The following IGDCC3 variants were observed in gnomAD, a reference collection of about 807,000 sequenced individuals.
IGDCC3 encodes the protein immunoglobulin superfamily DCC subclass member 3, also known as putative neuronal cell adhesion molecule.
A neutral mutation model predicts 72.0 loss-of-function variants in IGDCC3; 47 were observed. That is an observed-to-expected ratio of 0.65 (90% CI 0.52 to 0.83). The LOEUF is 0.83. Among genes scored for constraint, IGDCC3 ranks in the 40% least tolerant of loss-of-function variants. The pLI is 0.00. For synonymous variants in IGDCC3, 477 were observed against 472.8 expected, an observed-to-expected ratio of 1.01 and a Z score of -0.11; for missense variants, 1,038 against 1,091.3, an observed-to-expected ratio of 0.95 and a Z score of 0.69.
At chr15:65,358,361 C>T (rs979408541) in intron 2 of IGDCC3, among the ~76,000 whole-genome samples, 6 of 152,100 alleles carry the variant, frequency 3.9e-5, no homozygotes, top group Non-Finnish European at 7.4e-5. Flanking sequence ...CTGCCTTAGC[C>T]TTCCAAAGTG....
chr15:65,366,005 C>T (rs866011803), intron 2 of IGDCC3, among the ~76,000 whole-genome samples: 10 of 151,988 alleles, frequency 6.6e-5, no homozygotes, highest in Non-Finnish European at 1.0e-4. Context: ...GTCAGGAGTT[C>T]GAGACCAGCC....
rs2090980583 is a variant in IGDCC3, at chr15:65,331,842, C to CCCTGGCAGGAGGT, written c.1148+86_1148+98dup. On this transcript the variant is annotated intron_variant, in intron 7 of 13. Transcript: ENST00000327987. The stretch of plus-strand genomic sequence containing the variant: ...TCCAGACTCCCAATTCTGTGCTCTT[C>CCCTGGCAGGAGGT]CCTGGCAGGAGGTGTACAGCCTACT... 3.0e-5 allele frequency: 44 copies of CCCTGGCAGGAGGT among 1,447,980 alleles called. 1 individual carries two copies. In the South Asian group the frequency reaches 5.3e-4, roughly 18 times the overall value. 89.7% of individuals were successfully genotyped at this position (1,447,980 alleles called of 1,614,324 possible). A position where few individuals can be genotyped will look rare whatever the true frequency, so the allele number is the denominator to read the frequency against.
At chr15:65,368,160 T>TCA (rs57451250) in intron 2 of IGDCC3, among the ~76,000 whole-genome samples, 1,878 of 146,290 alleles carry the variant, frequency 0.013, 38 homozygotes, top group African/African-American at 0.042. Context: ...TCTCTTTCAC[T>TCA]CACACACACA....
At chr15:65,335,755 G>A (rs955180448) in intron 3 of IGDCC3, 57 bp downstream of exon 3, 1 of 1,599,116 alleles carries the variant, frequency 6.3e-7, no homozygotes, top group Non-Finnish European at 8.6e-7. Context: ...CTTCTCTACG[G>A]CCAGAGTCAC....
In IGDCC3 at chr15:65,335,909, C is replaced by A; in HGVS notation, c.457G>T (p.Gly153Cys). The A allele has an allele frequency of 6.2e-7, 1 of 1,614,146 alleles. No homozygotes were observed. Among genetic ancestry groups the A allele is most frequent in the Non-Finnish European group, 8.5e-7 (1 of 1,179,988 alleles). ...TGGCACTGGAAGCGGGCCACACCACCCTCCTCACCCACGGTGGCCTGGGGA... is the reference window on the plus strand; with the variant it reads ...TGGCACTGGAAGCGGGCCACACCACACTCCTCACCCACGGTGGCCTGGGGA... ...VHPQATVGEE[G>C]GVARFQCQIH... Residue 153 changes from glycine to cysteine, a missense_variant, in exon 3 of 14, where the codon GGT becomes TGT. Gly to Cys is a radical substitution (Grantham distance 159, BLOSUM62 -3). Transcript: ENST00000327987.
At chr15:65,340,258 C>T (rs2091068156) in intron 2 of IGDCC3, among the ~76,000 whole-genome samples, 1 of 152,040 alleles carries the variant, frequency 6.6e-6, no homozygotes, top group African/African-American at 2.4e-5. Flanking sequence ...GAGGTCAGGC[C>T]TGGATCTGAT....
chr15:65,329,210 A>AC lies in IGDCC3; in HGVS notation c.2206-63dup. On this transcript the variant is annotated intron_variant, in intron 13 of 13. Coordinates refer to ENST00000327987, the MANE Select transcript of IGDCC3 (RefSeq NM_004884.4). The surrounding 1 kb of genome is among the most constrained non-coding windows in gnomAD (Gnocchi z 4.1). ...GGGCCAGGGCGCCAGGCTCCAACTC[A>AC]CCCCACTTGGGCCTTAGGGTCTCCA... is the stretch of plus-strand genomic sequence containing the variant. 1 of 1,548,946 alleles carries AC rather than the reference A, an allele frequency of 6.5e-7. No homozygotes were observed. The highest frequency in any genetic ancestry group is 1.2e-5 in the South Asian group (1 of 80,652).
chr15:65,328,925 G>A lies in IGDCC3; in HGVS notation c.2429C>T (p.Ala810Val). 1 of 1,547,610 alleles carries A rather than the reference G, an allele frequency of 6.5e-7. No individual in the cohort carries two copies. Reference sequence around the variant, plus strand: ...AGACACTGGCTACTGTTCCGAGTGAGCTGGCTGGGTAACCCGGGCCGCTGC... The same window carrying A: ...AGACACTGGCTACTGTTCCGAGTGAACTGGCTGGGTAACCCGGGCCGCTGC... ...RPAAARVTQP[A>V]HSEQ The change falls in exon 14 of 14, where the codon GCT (alanine) becomes GTT (valine). Residue 810 changes from alanine (A) to valine (V), a missense_variant. Transcript: ENST00000327987.
At position 65,328,200 on chromosome 15, in the gene IGDCC3, A is replaced by G. The variant is rs913263134; in HGVS notation, c.*709T>C. 6 of 151,518 alleles carry G rather than the reference A, an allele frequency of 4.0e-5. No homozygotes were observed. Among genetic ancestry groups the G allele is most frequent in the African/African-American group, 1.5e-4 (6 of 41,172 alleles). 9.4% of individuals were successfully genotyped at this position (151,518 alleles called of 1,614,324 possible). On this transcript the variant is annotated 3_prime_UTR_variant, in exon 14 of 14. Transcript: ENST00000327987. The stretch of plus-strand genomic sequence containing the variant: ...GGCAGGTCCAGTGACAACACAGCCC[A>G]CAGAGCCAGCGAGCCTTGAGGTAGA...
intron 2 of IGDCC3, among the ~76,000 whole-genome samples, chr15:65,358,868 C>A (rs910914850): frequency 6.6e-5 from 10 of 152,184 alleles, no homozygotes; most frequent in African/African-American, 2.4e-4. Flanking sequence ...CTCTGTCACC[C>A]AGGCTGGAGT....
intron 5 of IGDCC3, 33 bp from the exon 6 acceptor site, chr15:65,333,448 G>T (rs767485292): frequency 6.4e-7 from 1 of 1,558,398 alleles, no homozygotes; most frequent in South Asian, 1.2e-5. Context: ...ATGGGTGAGG[G>T]TCAGATAGAG....
intron 2 of IGDCC3, among the ~76,000 whole-genome samples, chr15:65,345,554 ACACG>A (rs1286360951): frequency 2.7e-5 from 4 of 149,712 alleles, no homozygotes; most frequent in East Asian, 1.9e-4. Flanking sequence ...ACCCTGTCTC[ACACG>A]CACACACACA....
chr15:65,338,409 A>T (rs1183575566), intron 2 of IGDCC3, among the ~76,000 whole-genome samples: 1 of 152,182 alleles, frequency 6.6e-6, no homozygotes, highest in Non-Finnish European at 1.5e-5. Flanking sequence ...CTCTGCTGGG[A>T]TGTCCCTTAG....
chr15:65,342,895 G>C (rs1352302764), intron 2 of IGDCC3, among the ~76,000 whole-genome samples: 1 of 152,132 alleles, frequency 6.6e-6, no homozygotes, highest in East Asian at 1.9e-4. Flanking sequence ...GTCTCGCTCT[G>C]TTGCCCGGGT....
rs557770660 is a variant in IGDCC3, at chr15:65,350,696, A to T, written c.410-14740T>A. 2.6e-5 allele frequency among the ~76,000 whole-genome samples: 4 copies of T among 152,194 alleles called. No homozygotes were observed. In the South Asian group the frequency reaches 8.3e-4, roughly 32 times the overall value. On this transcript the variant is annotated intron_variant, in intron 2 of 13. Transcript: ENST00000327987. ...AGGCTGGTCTCGAACTCCTGACCTC[A>T]GGTGATCTGCCCACCTCAGCCTCCC...
At chr15:65,358,746 G>A (rs1037721013) in intron 2 of IGDCC3, among the ~76,000 whole-genome samples, 4 of 151,210 alleles carry the variant, frequency 2.6e-5, no homozygotes, top group East Asian at 2.0e-4. Context: ...CTGCAGCCTC[G>A]AACTCCTGGG....
Position 65,330,535 on chromosome 15 carries a change from C to CTG in IGDCC3, c.1753+13_1753+14dup. 6.2e-7 allele frequency: 1 copy of CTG among 1,611,358 alleles called. No homozygotes were observed. The highest frequency in any genetic ancestry group is 8.5e-7 in the Non-Finnish European group (1 of 1,178,568). ...TCTGCCAAGCCCCCTAGGCTCTGGG[C>CTG]TGTGTCTGCCTCACCGAGCTGGCTG... On this transcript the variant is annotated intron_variant, in intron 10 of 13. Transcript: ENST00000327987.
chr15:65,367,958 C>T (rs932651576), intron 2 of IGDCC3, among the ~76,000 whole-genome samples: 3 of 152,034 alleles, frequency 2.0e-5, no homozygotes, highest in African/African-American at 7.3e-5. Flanking sequence ...TGCAACCAGG[C>T]TATGGCCAGA....
In IGDCC3 at chr15:65,356,605, T is replaced by C. The variant is rs1220417535; in HGVS notation, c.409+18492A>G. ...GATGGACAAGCCGATGGTCACACTATGTATGCATTCAAGAGATACTTTGTG... is the reference window on the plus strand; with the variant it reads ...GATGGACAAGCCGATGGTCACACTACGTATGCATTCAAGAGATACTTTGTG... On this transcript the variant is annotated intron_variant, in intron 2 of 13. Coordinates refer to ENST00000327987, the MANE Select transcript of IGDCC3 (RefSeq NM_004884.4). 2.7e-5 allele frequency among the ~76,000 whole-genome samples: 4 copies of C among 148,996 alleles called. No individual in the cohort carries two copies. In the East Asian group the frequency reaches 8.0e-4, roughly 30 times the overall value.
Sources: gnomAD v4.1 joint callset for allele counts (sites outside exome capture counted in the v4.1 genomes callset) on GRCh38, gnomAD v4.1.1 for gene constraint, Gnocchi (gnomAD v3.1) non-coding constraint, MANE v1.5 for transcripts, NCBI Gene and HGNC (gene_info 2026-07-23, HGNC 2026-07-21) for gene names.